The following EVI5 variants were observed in gnomAD, a reference collection of about 807,000 sequenced individuals.
The protein encoded by EVI5 is ecotropic viral integration site 5 protein homolog.
A neutral mutation model predicts 112.0 loss-of-function variants in EVI5; 73 were observed. The observed-to-expected ratio is 0.65, with a 90% confidence interval of 0.54 to 0.79. The LOEUF (loss-of-function observed/expected upper bound fraction) is 0.79, where lower values mean the gene tolerates loss of function less well. Ranked by LOEUF, EVI5 falls within the 30% of genes least tolerant of loss-of-function variation. The pLI, the probability that EVI5 is intolerant of heterozygous loss-of-function variation, is 0.00. For missense variants in EVI5, 900 were observed against 968.8 expected (o/e 0.93, Z 0.94); for synonymous variants, 305 against 319.9 (o/e 0.95, Z 0.50).
chr1:92,660,605 C>T (rs1290659422), intron 13 of EVI5, among the ~76,000 whole-genome samples: 2 of 151,736 alleles, frequency 1.3e-5, no homozygotes, highest in Non-Finnish European at 2.9e-5. Context: ...AAGGAATGTT[C>T]GAGGCAATCA....
chr1:92,625,330 C>T (rs1383253672), intron 15 of EVI5, among the ~76,000 whole-genome samples: 1 of 152,140 alleles, frequency 6.6e-6, no homozygotes, highest in Non-Finnish European at 1.5e-5. Context: ...TCCTTGTCAA[C>T]ATTTCCCTCA....
rs914643187 is a variant in EVI5, at chr1:92,785,089, C to G, written c.-335G>C. The G allele has an allele frequency of 4.1e-6, 4 of 985,406 alleles. No individual in the cohort carries two copies. The highest frequency in any genetic ancestry group is 1.7e-5 in the African/African-American group (1 of 57,228). 61.0% of individuals were successfully genotyped at this position (985,406 alleles called of 1,614,324 possible). On this transcript the variant is annotated 5_prime_UTR_variant, in exon 1 of 20. Coordinates refer to ENST00000684568, the MANE Select transcript of EVI5 (RefSeq NM_001350197.2). ...CAGCTGGTTCCTCCGGGGTCCGGCC[C>G]GGCCGCGTCAGGAGAGCCCAAGGCG...
At chr1:92,735,733 A>C (rs112710880) in intron 2 of EVI5, among the ~76,000 whole-genome samples, 1 of 143,302 alleles carries the variant, frequency 7.0e-6, no homozygotes, top group African/African-American at 2.5e-5. Flanking sequence ...ATAATATAAT[A>C]TAATATAATC....
chr1:92,555,108 C>T (rs1456133474), intron 19 of EVI5, among the ~76,000 whole-genome samples: 1 of 152,186 alleles, frequency 6.6e-6, no homozygotes, highest in African/African-American at 2.4e-5. Context: ...TACAATCTTT[C>T]ATTATCTACA....
At chr1:92,735,575 A>T (rs1331727758) in intron 2 of EVI5, among the ~76,000 whole-genome samples, 1 of 147,660 alleles carries the variant, frequency 6.8e-6, no homozygotes, top group Non-Finnish European at 1.5e-5. Flanking sequence ...GTGCTCTTCC[A>T]TATGTATATA....
At chr1:92,760,577 C>CA (rs1057423035) in intron 1 of EVI5, among the ~76,000 whole-genome samples, 1 of 151,318 alleles carries the variant, frequency 6.6e-6, no homozygotes, top group Non-Finnish European at 1.5e-5. Context: ...ACTAAAAATA[C>CA]AAAAAAATTA....
intron 14 of EVI5, among the ~76,000 whole-genome samples, chr1:92,633,058 T>C (rs1657567634): frequency 6.6e-6 from 1 of 152,230 alleles, no homozygotes. Context: ...ATAATTTCTG[T>C]TCTTTTACAT....
At chr1:92,636,711 G>A (rs1016816776) in intron 13 of EVI5, among the ~76,000 whole-genome samples, 1 of 152,086 alleles carries the variant, frequency 6.6e-6, no homozygotes, top group African/African-American at 2.4e-5. Flanking sequence ...TGTGGCTACT[G>A]AACACTTGAA....
chr1:92,677,414 C>T (rs1315633617), intron 9 of EVI5, among the ~76,000 whole-genome samples, 196 bp from the exon 10 acceptor site: 2 of 151,994 alleles, frequency 1.3e-5, no homozygotes, highest in East Asian at 3.8e-4. Context: ...TTACAAATGA[C>T]AAAAATAAAA....
intron 1 of EVI5, among the ~76,000 whole-genome samples, chr1:92,779,246 G>A (rs1283657206): frequency 6.6e-6 from 1 of 152,174 alleles, no homozygotes; most frequent in African/African-American, 2.4e-5. Flanking sequence ...GTCTAGGCCA[G>A]GTGCAGTGCC....
chr1:92,695,492 C>G (rs775752813), intron 6 of EVI5, 39 bp from the exon 7 acceptor site: 1 of 1,373,236 alleles, frequency 7.3e-7, no homozygotes, highest in Non-Finnish European at 1.0e-6. Context: ...CACAGTAAAA[C>G]TGAGTATTTT....
chr1:92,772,669 G>A (rs551237990), intron 1 of EVI5, among the ~76,000 whole-genome samples: 2 of 152,000 alleles, frequency 1.3e-5, no homozygotes, highest in African/African-American at 4.8e-5. Flanking sequence ...TTGGGAGGGC[G>A]AGGCAGGTGG....
intron 1 of EVI5, among the ~76,000 whole-genome samples, chr1:92,742,816 G>C (rs1357389941): frequency 3.3e-5 from 5 of 152,176 alleles, no homozygotes; most frequent in Admixed American, 1.3e-4. Flanking sequence ...AAATGGCACA[G>C]CTGCTGTCGA....
At chr1:92,710,396 A>T (rs1672675603) in intron 2 of EVI5, among the ~76,000 whole-genome samples, 1 of 152,064 alleles carries the variant, frequency 6.6e-6, no homozygotes, top group African/African-American at 2.4e-5. Context: ...CTCACTTCCC[A>T]TCCCATCCCA....
intron 13 of EVI5, among the ~76,000 whole-genome samples, chr1:92,643,678 G>GCAGAAA (rs1660415936): frequency 6.6e-6 from 1 of 152,158 alleles, no homozygotes; most frequent in South Asian, 2.1e-4. Flanking sequence ...AACTGGAACT[G>GCAGAAA]CAGAAACACT....
chr1:92,594,000 G>C (rs1324790655), intron 18 of EVI5, among the ~76,000 whole-genome samples: 1 of 152,154 alleles, frequency 6.6e-6, no homozygotes, highest in African/African-American at 2.4e-5. Flanking sequence ...ACTGTCCAAG[G>C]TAATTTATAG....
intron 13 of EVI5, among the ~76,000 whole-genome samples, chr1:92,652,222 T>G (rs1408272867): frequency 1.3e-5 from 2 of 152,226 alleles, no homozygotes; most frequent in Non-Finnish European, 2.9e-5. Flanking sequence ...GAAAACATCA[T>G]GCTTAGTGCA....
At position 92,664,495 on chromosome 1, in the gene EVI5, A is replaced by AAAC. The variant is rs996049640; in HGVS notation, c.1213-1044_1213-1043insGTT. On this transcript the variant is annotated intron_variant, in intron 11 of 19. Coordinates refer to ENST00000684568, the MANE Select transcript of EVI5 (RefSeq NM_001350197.2). ...CTTACTCCAAAGATTTAAAAAAAAAAAAAAACTAAGAAGATGCATATTTGA... is the reference window on the plus strand; with the variant it reads ...CTTACTCCAAAGATTTAAAAAAAAAAAACAAAAACTAAGAAGATGCATATTTGA... 2.6e-5 allele frequency among the ~76,000 whole-genome samples: 4 copies of AAAC among 151,790 alleles called. No homozygotes were observed. In the East Asian group the frequency reaches 7.8e-4, roughly 30 times the overall value.
chr1:92,648,389 T>G (rs933850363), intron 13 of EVI5, among the ~76,000 whole-genome samples: 1 of 150,192 alleles, frequency 6.7e-6, no homozygotes, highest in Non-Finnish European at 1.5e-5. Context: ...ATAATAATAA[T>G]AAAAATAAAA....
Sources: allele counts gnomAD v4.1 joint callset (sites outside exome capture counted in the v4.1 genomes callset), GRCh38; gene constraint gnomAD v4.1.1; transcripts MANE v1.5; gene names NCBI Gene and HGNC (gene_info 2026-07-23, HGNC 2026-07-21).